NKAIN3: variants seen among roughly 807,000 people sequenced by gnomAD.
NKAIN3 encodes sodium/potassium transporting ATPase interacting 3, also known as sodium/potassium-transporting ATPase subunit beta-1-interacting protein 3.
Under a neutral mutation model 30.2 loss-of-function variants are expected in NKAIN3, and 25 were observed. That is an observed-to-expected ratio of 0.83 (90% CI 0.60 to 1.16). The LOEUF (loss-of-function observed/expected upper bound fraction) is 1.16, where lower values mean the gene tolerates loss of function less well. NKAIN3 is among the 50% of genes most tolerant of loss of function. NKAIN3 has a pLI of 0.00. For missense variants in NKAIN3, 225 were observed against 254.1 expected (o/e 0.89, Z 0.78); for synonymous variants, 91 against 89.6 (o/e 1.02, Z -0.09).
At chr8:62,654,615 G>A (rs1812715172) in intron 3 of NKAIN3, among the ~76,000 whole-genome samples, 2 of 152,156 alleles carry the variant, frequency 1.3e-5, no homozygotes, top group Admixed American at 1.3e-4. Flanking sequence ...GACAATGGTA[G>A]TGTCCTTGAA....
At chr8:62,314,878 C>A (rs1284129658) in intron 1 of NKAIN3, among the ~76,000 whole-genome samples, 2 of 152,086 alleles carry the variant, frequency 1.3e-5, no homozygotes, top group East Asian at 3.9e-4. Flanking sequence ...AACACTGAAC[C>A]TAATATTCTC....
chr8:62,867,608 T>C (rs1471208851), intron 4 of NKAIN3, among the ~76,000 whole-genome samples: 1 of 152,230 alleles, frequency 6.6e-6, no homozygotes, highest in Non-Finnish European at 1.5e-5. Flanking sequence ...GACTGCTCTC[T>C]TCTCAGCAAG....
intron 1 of NKAIN3, among the ~76,000 whole-genome samples, chr8:62,407,433 G>GTTC (rs1554527569): frequency 1.1e-3 from 1 of 952 alleles, no homozygotes; most frequent in Non-Finnish European, 3.8e-3. Context: ...ACGGAGTCTC[G>GTTC]TGTCACCGGG....
intron 1 of NKAIN3, among the ~76,000 whole-genome samples, chr8:62,447,543 T>C (rs1015652160): frequency 5.3e-5 from 8 of 152,052 alleles, no homozygotes; most frequent in African/African-American, 1.9e-4. Context: ...AGATTCTCCA[T>C]GAGAAGAGAA....
In NKAIN3 at chr8:62,335,921, TGAAAA is replaced by T. The variant is rs1288124069; in HGVS notation, c.54+86798_54+86802del. 2.6e-5 allele frequency among the ~76,000 whole-genome samples: 4 copies of T among 152,022 alleles called. No individual in the cohort carries two copies. The East Asian group carries it at 7.8e-4, about 29-fold the overall frequency. ...TGGAACTTAGGGCATTCTGGGGAAA[TGAAAA>T]GAAGCCTTCTTTCTAGTTGAAAGGG... On this transcript the variant is annotated intron_variant, in intron 1 of 6. Transcript: ENST00000623646.
At chr8:62,855,604 T>G (rs768878547) in intron 4 of NKAIN3, 107 of 1,601,432 alleles carry the variant, frequency 6.7e-5, no homozygotes, top group Non-Finnish European at 8.8e-5. Context: ...TCAGGTCCAC[T>G]GCTTGTTCAG....
chr8:62,677,406 G>A (rs1479052388), intron 3 of NKAIN3, among the ~76,000 whole-genome samples: 1 of 152,182 alleles, frequency 6.6e-6, no homozygotes, highest in East Asian at 1.9e-4. Flanking sequence ...TGAGAAGGGG[G>A]CATAACTCAG....
rs536828149 is a variant in NKAIN3 at position 62,973,135 on chromosome 8, A to G, written c.*7728A>G. 2.0e-5 allele frequency among the ~76,000 whole-genome samples: 3 copies of G among 152,228 alleles called. No individual in the cohort carries two copies. Among genetic ancestry groups the G allele is most frequent in the Admixed American group, 1.3e-4 (2 of 15,272 alleles). On this transcript the variant is annotated 3_prime_UTR_variant, in exon 7 of 7. Coordinates refer to ENST00000623646, the MANE Select transcript of NKAIN3 (RefSeq NM_001304533.3). ...TGAATAGTGCTGCAATAAACATAGG[A>G]GTGCATGTGTCATTATAGTAGAATG...
chr8:62,675,149 C>G (rs772423613), intron 3 of NKAIN3, among the ~76,000 whole-genome samples: 1 of 152,128 alleles, frequency 6.6e-6, no homozygotes, highest in Non-Finnish European at 1.5e-5. Flanking sequence ...ACCTACCTAT[C>G]TTAAAGGATT....
intron 5 of NKAIN3, among the ~76,000 whole-genome samples, chr8:62,995,529 C>G (rs62508123): frequency 4.6e-5 from 7 of 151,744 alleles, no homozygotes; most frequent in Admixed American, 4.6e-4. Flanking sequence ...AGGGTTGTTG[C>G]CGAACTAAAA....
At chr8:62,731,589 G>C (rs1815467333) in intron 3 of NKAIN3, among the ~76,000 whole-genome samples, 1 of 152,100 alleles carries the variant, frequency 6.6e-6, no homozygotes, top group South Asian at 2.1e-4. Context: ...GTCTCCGGGG[G>C]AACCCTTCCT....
intron 3 of NKAIN3, among the ~76,000 whole-genome samples, chr8:62,627,478 T>C (rs948423697): frequency 2.0e-5 from 3 of 152,038 alleles, no homozygotes; most frequent in Admixed American, 6.6e-5. Flanking sequence ...GGGTAAAGAA[T>C]AAGACTTCTT....
chr8:62,989,800 G>A (rs893169719), downstream of NKAIN3, among the ~76,000 whole-genome samples: 10 of 152,148 alleles, frequency 6.6e-5, no homozygotes, highest in Non-Finnish European at 1.3e-4. Flanking sequence ...TACACCCTAA[G>A]AAATTTAGTA....
chr8:62,792,537 G>A (rs1294031950), intron 4 of NKAIN3, among the ~76,000 whole-genome samples: 1 of 151,828 alleles, frequency 6.6e-6, no homozygotes, highest in African/African-American at 2.4e-5. Flanking sequence ...TTGAAATGGA[G>A]AGAAGAATAA....
intron 3 of NKAIN3, among the ~76,000 whole-genome samples, chr8:62,645,453 TCA>T (rs1404820187): frequency 6.6e-6 from 1 of 152,180 alleles, no homozygotes; most frequent in Non-Finnish European, 1.5e-5. Context: ...GGGAGAATAC[TCA>T]GTTTTGCTGA....
intron 1 of NKAIN3, among the ~76,000 whole-genome samples, chr8:62,426,075 TGAGCA>T (rs1804797059): frequency 6.6e-6 from 1 of 151,978 alleles, no homozygotes; most frequent in Non-Finnish European, 1.5e-5. Flanking sequence ...TATATTATAA[TGAGCA>T]ATTATCAAGT....
At chr8:62,911,405 T>C (rs915639272) in intron 4 of NKAIN3, among the ~76,000 whole-genome samples, 1 of 152,200 alleles carries the variant, frequency 6.6e-6, no homozygotes, top group African/African-American at 2.4e-5. Context: ...ACTATGGGCT[T>C]ACGATCCAAT....
In NKAIN3 at chr8:62,610,340, C is replaced by A. The variant is rs372641401; in HGVS notation, c.273+20546C>A. On this transcript the variant is annotated intron_variant, in intron 3 of 6. Coordinates refer to ENST00000623646, the MANE Select transcript of NKAIN3 (RefSeq NM_001304533.3). ...AGCCTGGGCAATAAGAGCAAAACTC[C>A]GTCTCAGAAAAAAAAAAAAAAAGTG... Among the ~76,000 whole-genome samples the A allele has an allele frequency of 1.4e-3, 183 of 133,954 alleles. 1 individual carries two copies. Among genetic ancestry groups the A allele is most frequent in the Middle Eastern group, 7.8e-3 (2 of 258 alleles). 87.9% of individuals were successfully genotyped at this position (133,954 alleles called of 152,430 possible).
intron 1 of NKAIN3, among the ~76,000 whole-genome samples, chr8:62,508,440 T>C (rs1397808338): frequency 6.6e-6 from 1 of 152,168 alleles, no homozygotes; most frequent in Non-Finnish European, 1.5e-5. Context: ...AGTTTTCCTT[T>C]GCTGCACATC....
Sources: allele counts gnomAD v4.1 joint callset (sites outside exome capture counted in the v4.1 genomes callset), GRCh38; gene constraint gnomAD v4.1.1; transcripts MANE v1.5; gene names NCBI Gene and HGNC (gene_info 2026-07-23, HGNC 2026-07-21).